The following PALM variants were observed in gnomAD, a reference collection of about 807,000 sequenced individuals.
The protein encoded by PALM is paralemmin-1.
Under a neutral mutation model 30.7 loss-of-function variants are expected in PALM, and 18 were observed. The ratio of observed to expected loss-of-function variants is 0.59; its 90% CI spans 0.41 to 0.87. The LOEUF is 0.87. Ranked by LOEUF, PALM falls within the 40% of genes least tolerant of loss-of-function variation. PALM has a pLI of 0.00. For synonymous variants in PALM, 286 were observed against 242.8 expected (o/e 1.18, Z -1.66); for missense variants, 529 against 555.4 (o/e 0.95, Z 0.48).
intron 1 of PALM, among the ~76,000 whole-genome samples, chr19:721,185 G>A (rs1398774285): frequency 6.6e-6 from 1 of 152,172 alleles, no homozygotes. Flanking sequence ...TGAAGGGGCC[G>A]ACCTGAGGGT....
At chr19:711,760 A>G (rs2032087356) in intron 1 of PALM, among the ~76,000 whole-genome samples, 1 of 152,172 alleles carries the variant, frequency 6.6e-6, no homozygotes, top group Non-Finnish European at 1.5e-5. Context: ...AAGGCAAGGA[A>G]TAGACAGATA....
At chr19:739,728 C>T (rs1023084198) in intron 7 of PALM, among the ~76,000 whole-genome samples, 1 of 151,938 alleles carries the variant, frequency 6.6e-6, no homozygotes, top group Non-Finnish European at 1.5e-5. Context: ...GTAATCCCAG[C>T]ACTTTGGGAG....
intron 4 of PALM, 45 bp from the exon 5 acceptor site, chr19:731,049 CA>C: frequency 7.4e-7 from 1 of 1,351,750 alleles, no homozygotes; most frequent in Non-Finnish European, 1.0e-6. Context: ...CCCAGAGCCC[CA>C]CCGGGGATGC....
intron 8 of PALM, 23 bp downstream of exon 8, chr19:740,506 CCTCCCTCCA>C (rs1368928310): frequency 1.3e-6 from 2 of 1,539,964 alleles, no homozygotes; most frequent in Non-Finnish European, 1.8e-6. Context: ...CGGCCCCTGC[CCTCCCTCCA>C]CCTGGGCCAG....
chr19:747,045 G>A lies in PALM; in HGVS notation c.*231G>A. On this transcript the variant is annotated 3_prime_UTR_variant, in exon 9 of 9. Transcript: ENST00000338448. Reference sequence around the variant, plus strand: ...AGCCGTGCACTTGTGCCTGGTAGGAGAGAGACAGGACAGACCCGCTTTTCC... The same window carrying A: ...AGCCGTGCACTTGTGCCTGGTAGGAAAGAGACAGGACAGACCCGCTTTTCC... 1.8e-6 allele frequency: 1 copy of A among 552,106 alleles called. No homozygotes were observed. Among genetic ancestry groups the A allele is most frequent in the Non-Finnish European group, 3.2e-6 (1 of 309,702 alleles). The allele number at this position is 552,106 out of a possible 1,614,324, so 34.2% of individuals were successfully genotyped here.
At chr19:721,682 C>A (rs1599142584) in intron 1 of PALM, among the ~76,000 whole-genome samples, 2 of 151,960 alleles carry the variant, frequency 1.3e-5, no homozygotes, top group South Asian at 4.2e-4. Context: ...ACCGTGACTT[C>A]TGCCTCCCAG....
chr19:710,192 T>C (rs1198642813), intron 1 of PALM, among the ~76,000 whole-genome samples: 1 of 152,092 alleles, frequency 6.6e-6, no homozygotes, highest in African/African-American at 2.4e-5. Flanking sequence ...CTGGGCGTGT[T>C]TTCTAAGCCG....
At chr19:722,170 G>T (rs79793124) in intron 1 of PALM, among the ~76,000 whole-genome samples, 1 of 151,722 alleles carries the variant, frequency 6.6e-6, no homozygotes, top group East Asian at 1.9e-4. Context: ...CGCCCGCCTC[G>T]GCCTCCCAAA....
rs1325442826 is a variant in PALM, at chr19:709,038, C to G, written c.-109C>G. On this transcript the variant is annotated 5_prime_UTR_variant, in exon 1 of 9. Coordinates refer to ENST00000338448, the MANE Select transcript of PALM (RefSeq NM_002579.3). This position sits in a 1 kb window ranked among gnomAD's most constrained non-coding sequence, Gnocchi z 4.3. The stretch of plus-strand genomic sequence containing the variant: ...CGCAGCCCCGGCCGCCAGGCCTTAG[C>G]CCGCCCCGGCCCCCGCCAGGCCGCG... The G allele has an allele frequency of 6.0e-6, 1 of 167,336 alleles. No individual in the cohort carries two copies. Among genetic ancestry groups the G allele is most frequent in the Non-Finnish European group, 1.3e-5 (1 of 79,488 alleles). The allele number at this position is 167,336 out of a possible 1,614,324, so 10.4% of individuals were successfully genotyped here.
intron 1 of PALM, among the ~76,000 whole-genome samples, chr19:711,753 G>A (rs147799621): frequency 1.4e-3 from 218 of 152,256 alleles, no homozygotes; most frequent in African/African-American, 4.7e-3. Flanking sequence ...GGTTTTGAAG[G>A]CAAGGAATAG....
chr19:735,842 CTGTCTGGG>C (rs2033007460), intron 6 of PALM, among the ~76,000 whole-genome samples, 169 bp from the exon 7 acceptor site: 1 of 148,712 alleles, frequency 6.7e-6, no homozygotes, highest in Non-Finnish European at 1.5e-5. Flanking sequence ...GCCCAGGTGC[CTGTCTGGG>C]TGTCTGGGGG....
chr19:726,627 C>T (rs976273437), intron 2 of PALM, among the ~76,000 whole-genome samples: 1 of 151,972 alleles, frequency 6.6e-6, no homozygotes, highest in South Asian at 2.1e-4. Flanking sequence ...CTCAGCCTCT[C>T]GAGTAGCTGG....
chr19:710,261 C>A (rs116208883), intron 1 of PALM, among the ~76,000 whole-genome samples: 5,172 of 152,322 alleles, frequency 0.034, 294 homozygotes, highest in African/African-American at 0.12. Flanking sequence ...GTGGGGGCCG[C>A]TGCCTCCCTC....
chr19:743,439 G>A (rs769375096), intron 8 of PALM, among the ~76,000 whole-genome samples: 1 of 152,186 alleles, frequency 6.6e-6, no homozygotes, highest in Non-Finnish European at 1.5e-5. Context: ...TTGGGGCAGC[G>A]GCCAGTGGGA....
chr19:727,003 C>CCCCCCCCAGAAA lies in PALM; in HGVS notation c.58-5_58-4insCCCCCCCAGAAA. ...ATCCCTGACCCCACCCGGCCCTCCC[C>CCCCCCCCAGAAA]ACAGGAGAAGCGGAAGCGGCAGGCG... On this transcript the variant is annotated splice_polypyrimidine_tract_variant and splice_region_variant and intron_variant, in intron 2 of 8. Coordinates refer to ENST00000338448, the MANE Select transcript of PALM (RefSeq NM_002579.3). 6.6e-7 allele frequency: 1 copy of CCCCCCCCAGAAA among 1,524,300 alleles called. No homozygotes were observed. The highest frequency in any genetic ancestry group is 8.9e-7 in the Non-Finnish European group (1 of 1,124,962). The allele number at this position is 1,524,300 out of a possible 1,614,324, so 94.4% of individuals were successfully genotyped here.
chr19:718,500 A>G (rs550209459), intron 1 of PALM, among the ~76,000 whole-genome samples: 18 of 152,242 alleles, frequency 1.2e-4, no homozygotes, highest in South Asian at 4.1e-4. Context: ...GGCCCCGTTC[A>G]CGCCTCACTG....
At chr19:732,650 C>T (rs776186005) in intron 5 of PALM, among the ~76,000 whole-genome samples, 3 of 151,936 alleles carry the variant, frequency 2.0e-5, no homozygotes, top group South Asian at 4.1e-4. Flanking sequence ...GCTGAGATCA[C>T]GCCACTACAC....
chr19:716,276 G>C (rs1373483290), intron 1 of PALM, among the ~76,000 whole-genome samples: 1 of 152,182 alleles, frequency 6.6e-6, no homozygotes. Flanking sequence ...AGCCAGGCAT[G>C]GTGGCAGGTG....
intron 3 of PALM, among the ~76,000 whole-genome samples, chr19:727,310 C>CCCTGACCCCGACCCTGAA (rs2032716976): frequency 2.1e-5 from 3 of 141,208 alleles, no homozygotes; most frequent in Non-Finnish European, 4.6e-5. Flanking sequence ...CCGACCCTGA[C>CCCTGACCCCGACCCTGAA]CCTGATCTCA....
Sources: allele counts gnomAD v4.1 joint callset (sites outside exome capture counted in the v4.1 genomes callset), GRCh38; gene constraint gnomAD v4.1.1; non-coding constraint Gnocchi (gnomAD v3.1); transcripts MANE v1.5; gene names NCBI Gene and HGNC (gene_info 2026-07-23, HGNC 2026-07-21).